Variants in TTC28 observed in about 807,000 individuals in gnomAD.
The protein encoded by TTC28 is tetratricopeptide repeat domain 28, also known as tetratricopeptide repeat protein 28.
TTC28 carries 61 observed loss-of-function variants against 198.0 expected under a neutral mutation model. The ratio of observed to expected loss-of-function variants is 0.31; its 90% CI spans 0.25 to 0.38. The LOEUF is 0.38. TTC28 is among the 10% of genes least tolerant of loss of function. TTC28 has a pLI of 1.00. For missense variants in TTC28, 2,678 were observed against 3,164.0 expected (o/e 0.85, Z 3.69); for synonymous variants, 1,171 against 1,297.8 (o/e 0.90, Z 2.10).
intron 13 of TTC28, among the ~76,000 whole-genome samples, chr22:28,025,162 G>GTT (rs76121213): frequency 0.14 from 21,979 of 152,108 alleles, 1,980 homozygotes; most frequent in South Asian, 0.39. Flanking sequence ...CAATCTATCA[G>GTT]TTTCTTGGTG....
chr22:28,281,759 AC>A (rs1981706083), intron 5 of TTC28, among the ~76,000 whole-genome samples: 1 of 152,232 alleles, frequency 6.6e-6, no homozygotes, highest in South Asian at 2.1e-4. Context: ...GAACTCAAAC[AC>A]CGAACTGTTT....
In TTC28 at chr22:28,135,919, T is replaced by C. The variant is rs973654317; in HGVS notation, c.1441+27173A>G. The stretch of plus-strand genomic sequence containing the variant: ...CCTTATAACTATATCTTCCTAAGAC[T>C]GATTTGAATGTACATATTATAAAGC... On this transcript the variant is annotated intron_variant, in intron 6 of 22. Transcript: ENST00000397906. Among the ~76,000 whole-genome samples the C allele has an allele frequency of 2.8e-4, 42 of 152,204 alleles. 1 individual carries two copies. The highest frequency in any genetic ancestry group is 7.3e-5 in the Non-Finnish European group (5 of 68,040).
At chr22:28,466,824 C>A (rs112160795) in intron 2 of TTC28, among the ~76,000 whole-genome samples, 1 of 117,728 alleles carries the variant, frequency 8.5e-6, no homozygotes, top group African/African-American at 3.3e-5. Flanking sequence ...CATACATACA[C>A]ACACACACAC....
chr22:28,188,129 C>A (rs1472352897), intron 5 of TTC28, among the ~76,000 whole-genome samples: 1 of 152,174 alleles, frequency 6.6e-6, no homozygotes, highest in Non-Finnish European at 1.5e-5. Context: ...GTGCAAGAGA[C>A]TTCCAGGTAA....
chr22:28,099,842 G>A (rs1310694085), intron 9 of TTC28, among the ~76,000 whole-genome samples: 1 of 152,184 alleles, frequency 6.6e-6, no homozygotes, highest in Admixed American at 6.5e-5. Flanking sequence ...ACGAGCCTGA[G>A]GGGAAGAGAG....
intron 2 of TTC28, among the ~76,000 whole-genome samples, chr22:28,473,143 GAAAT>G (rs1568966276): frequency 6.6e-6 from 1 of 151,968 alleles, no homozygotes. Flanking sequence ...ACACTATAAT[GAAAT>G]AAAAATGAAA....
intron 2 of TTC28, among the ~76,000 whole-genome samples, chr22:28,581,303 A>G (rs973116641): frequency 6.6e-6 from 1 of 152,186 alleles, no homozygotes; most frequent in African/African-American, 2.4e-5. Context: ...CTCCCCAGCC[A>G]CAGTACCCGT....
At chr22:28,285,591 CTAAG>C (rs1229736129) in intron 5 of TTC28, among the ~76,000 whole-genome samples, 6 of 152,126 alleles carry the variant, frequency 3.9e-5, no homozygotes, top group Non-Finnish European at 8.8e-5. Context: ...CAAACGATAA[CTAAG>C]TATGATACTT....
At chr22:28,318,812 C>CTTTTTTTTTT (rs71316836) in intron 2 of TTC28, among the ~76,000 whole-genome samples, 1 of 61,324 alleles carries the variant, frequency 1.6e-5, no homozygotes, top group African/African-American at 6.5e-5. Context: ...GAAGTGTATT[C>CTTTTTTTTTT]TTTTTTTTTT....
chr22:28,597,216 T>C, intron 2 of TTC28, among the ~76,000 whole-genome samples: 1 of 152,204 alleles, frequency 6.6e-6, no homozygotes, highest in Non-Finnish European at 1.5e-5. Context: ...TTTACTATCT[T>C]AGTCATTTTT....
At chr22:27,983,875 C>T in intron 22 of TTC28, 24 bp from the exon 23 acceptor site, 2 of 1,532,484 alleles carry the variant, frequency 1.3e-6, no homozygotes, top group East Asian at 2.4e-5. Flanking sequence ...ACAAGGGCCC[C>T]AAGGACAGTT....
chr22:28,131,072 C>T (rs1373867528), intron 6 of TTC28, among the ~76,000 whole-genome samples: 1 of 152,146 alleles, frequency 6.6e-6, no homozygotes, highest in Non-Finnish European at 1.5e-5. Flanking sequence ...ACTGGTGATG[C>T]CTACTATGGA....
intron 2 of TTC28, among the ~76,000 whole-genome samples, chr22:28,598,127 C>A (rs747655871): frequency 6.6e-6 from 1 of 151,984 alleles, no homozygotes; most frequent in Non-Finnish European, 1.5e-5. Flanking sequence ...AATCGTTTTC[C>A]GTAAAACAGG....
At chr22:27,997,562 A>T (rs527511505) in intron 16 of TTC28, 2 of 152,246 alleles carry the variant, frequency 1.3e-5, no homozygotes, top group Non-Finnish European at 2.9e-5. Flanking sequence ...CTAAGAAAAT[A>T]GGATTTTTGG....
At chr22:28,074,956 C>T (rs1329675010) in intron 12 of TTC28, among the ~76,000 whole-genome samples, 1 of 151,958 alleles carries the variant, frequency 6.6e-6, no homozygotes, top group African/African-American at 2.4e-5. Flanking sequence ...AAAAATTAGC[C>T]GAGTGTGGTG....
At position 28,651,311 on chromosome 22, in the gene TTC28, C is replaced by CTTTTTTTTTTTTTTTTTTTTT. The variant is rs111469498; in HGVS notation, c.103-21482_103-21481insAAAAAAAAAAAAAAAAAAAAA. Among the ~76,000 whole-genome samples the CTTTTTTTTTTTTTTTTTTTTT allele has an allele frequency of 1.4e-5, 2 of 147,542 alleles. 1 individual carries two copies. ...ACTGCACCCAGTCACTCTGTCACTC[C>CTTTTTTTTTTTTTTTTTTTTT]TTTTTTTTGAGACAGGGTCTTGCTG... On this transcript the variant is annotated intron_variant, in intron 1 of 22. Coordinates refer to ENST00000397906, the MANE Select transcript of TTC28 (RefSeq NM_001145418.2).
chr22:28,556,768 G>A (rs1303463806), intron 2 of TTC28, among the ~76,000 whole-genome samples: 1 of 152,224 alleles, frequency 6.6e-6, no homozygotes, highest in Non-Finnish European at 1.5e-5. Flanking sequence ...ATAATCATCT[G>A]AAGGGCTGGC....
chr22:28,493,227 G>C (rs2048403060), intron 2 of TTC28, among the ~76,000 whole-genome samples: 1 of 151,948 alleles, frequency 6.6e-6, no homozygotes, highest in Non-Finnish European at 1.5e-5. Context: ...ATGGTGGTGG[G>C]TGCCTGTAAT....
In TTC28 at chr22:28,275,983, G is replaced by A. The variant is rs2145721132; in HGVS notation, c.933+20215C>T. ...AGGACAGTTTTATAGATGGCTAAGA[G>A]ATAAACAAAATAATGACTGTCACCA... On this transcript the variant is annotated intron_variant, in intron 5 of 22. Transcript: ENST00000397906. Among the ~76,000 whole-genome samples the A allele has an allele frequency of 2.0e-5, 3 of 151,998 alleles. No individual in the cohort carries two copies. In the South Asian group the frequency reaches 6.2e-4, roughly 32 times the overall value.
Sources: allele counts gnomAD v4.1 joint callset (sites outside exome capture counted in the v4.1 genomes callset), GRCh38; gene constraint gnomAD v4.1.1; transcripts MANE v1.5; gene names NCBI Gene and HGNC (gene_info 2026-07-23, HGNC 2026-07-21).